Variants in SEPTIN12 observed in about 807,000 individuals in gnomAD.
The protein encoded by SEPTIN12 is septin 12.
SEPTIN12 carries 42 observed loss-of-function variants against 37.7 expected under a neutral mutation model. That is an observed-to-expected ratio of 1.11 (90% CI 0.87 to 1.44). The LOEUF (loss-of-function observed/expected upper bound fraction) is 1.44. SEPTIN12 is among the 40% of genes most tolerant of loss of function. SEPTIN12 has a pLI of 0.00. For missense variants in SEPTIN12, 613 were observed against 479.2 expected, an observed-to-expected ratio of 1.28 and a Z score of -2.61; for synonymous variants, 254 against 196.7, an observed-to-expected ratio of 1.29 and a Z score of -2.44.
At chr16:4,787,338 A>G (rs538730845) in intron 2 of SEPTIN12, 142 bp downstream of exon 2, 2 of 786,254 alleles carry the variant, frequency 2.5e-6, no homozygotes, top group African/African-American at 1.7e-5. Context: ...CAAATTTTCA[A>G]TGACAACATC....
Position 4,785,750 on chromosome 16 carries a change from C to G in SEPTIN12, c.374+57G>C, listed in dbSNP as rs570580576. On this transcript the variant is annotated intron_variant, in intron 4 of 9. Coordinates refer to ENST00000268231, the MANE Select transcript of SEPTIN12 (RefSeq NM_144605.5). The stretch of plus-strand genomic sequence containing the variant: ...CCGAGATCATGCCATTGCACTCCAG[C>G]CTGGGTGACAAGAGTGAAACTCTGC... 1,897 of 1,307,234 alleles carry G rather than the reference C, an allele frequency of 1.5e-3. 30 individuals carry two copies. The African/African-American group carries it at 0.025, about 17-fold the overall frequency. The allele number at this position is 1,307,234 out of a possible 1,614,324, so 81.0% of individuals were successfully genotyped here.
chr16:4,779,827 G>C, intron 7 of SEPTIN12, 41 bp from the exon 8 acceptor site: 1 of 1,386,356 alleles, frequency 7.2e-7, no homozygotes, highest in South Asian at 1.2e-5. Context: ...GATTGACTTC[G>C]CTGGGGAGAA....
At position 4,777,962 on chromosome 16, in the gene SEPTIN12, G is replaced by A; in HGVS notation, c.912C>T (p.Asn304=). Residue 304 remains asparagine, a synonymous_variant, in exon 10 of 10, where the codon AAC becomes AAT. Transcript: ENST00000268231. The stretch of plus-strand genomic sequence containing the variant: ...TGACGCGGTAGTTCTCATAGTGGAT[G>A]TTGTGGGTTATGTCCTTCAGGTCTT... ...HLQDLKDITH[N]IHYENYRVIR... 1 of 1,611,384 alleles carries A rather than the reference G, an allele frequency of 6.2e-7. No homozygotes were observed. The highest frequency in any genetic ancestry group is 1.3e-5 in the African/African-American group (1 of 75,058).
chr16:4,778,052 C>T (rs1380541404), intron 9 of SEPTIN12, 34 bp downstream of exon 9: 1 of 1,613,458 alleles, frequency 6.2e-7, no homozygotes, highest in East Asian at 2.2e-5. Context: ...GGCCCCTCGC[C>T]AGCCCCCTAG....
chr16:4,787,879 G>C, intron 1 of SEPTIN12: 1 of 524,716 alleles, frequency 1.9e-6, no homozygotes, highest in South Asian at 2.3e-5. Flanking sequence ...CACCCATCCA[G>C]AGAGGCTCCG....
At position 4,785,854 on chromosome 16, in the gene SEPTIN12, C is replaced by T. The variant is rs147160543; in HGVS notation, c.327G>A (p.Thr109=). 20 of 1,612,334 alleles carry T rather than the reference C, an allele frequency of 1.2e-5. No homozygotes were observed. Among genetic ancestry groups the T allele is most frequent in the Admixed American group, 5.0e-5 (3 of 59,864 alleles). The change falls in exon 4 of 10, where the codon ACG becomes ACA. Residue 109 remains threonine (T), a synonymous_variant. Transcript: ENST00000268231. ...CCCCGAAGCCGGGCGTGTCCGTCAC[C>T]GTCAGCTTCAGCTTCACACCCTTCT... The part of the protein sequence containing the change: ...IEEKGVKLKL[T]VTDTPGFGDQ...
At chr16:4,778,252 C>T in intron 8 of SEPTIN12, 115 bp from the exon 9 acceptor site, 15 of 1,070,822 alleles carry the variant, frequency 1.4e-5, no homozygotes, top group East Asian at 2.5e-5. Context: ...TCTCTTTACC[C>T]TATCCTGCCT....
rs768610844 is a variant in SEPTIN12 at position 4,779,679 on chromosome 16, C to G, written c.823+11G>C. ...CCCCACCTGCATCCTACCCAGGGGCCCCGCACTGACCTTCAATGATGCCCC... is the reference window on the plus strand; with the variant it reads ...CCCCACCTGCATCCTACCCAGGGGCGCCGCACTGACCTTCAATGATGCCCC... On this transcript the variant is annotated intron_variant, in intron 8 of 9. Coordinates refer to ENST00000268231, the MANE Select transcript of SEPTIN12 (RefSeq NM_144605.5). 1 of 1,579,704 alleles carries G rather than the reference C, an allele frequency of 6.3e-7. No homozygotes were observed.
chr16:4,778,877 C>T (rs1198073447), intron 8 of SEPTIN12, among the ~76,000 whole-genome samples: 2 of 151,814 alleles, frequency 1.3e-5, no homozygotes, highest in African/African-American at 4.8e-5. Flanking sequence ...CGGTGGCACA[C>T]GCCTGTAATC....
At chr16:4,784,575 G>A (rs2082412961) in intron 4 of SEPTIN12, among the ~76,000 whole-genome samples, 1 of 104,584 alleles carries the variant, frequency 9.6e-6, no homozygotes, top group Non-Finnish European at 2.2e-5. Flanking sequence ...TTCGAGGCTA[G>A]CCTGGGCAAC....
At chr16:4,778,023 C>G (rs779481488) in intron 9 of SEPTIN12, 25 bp from the exon 10 acceptor site, 4 of 1,612,362 alleles carry the variant, frequency 2.5e-6, no homozygotes, top group African/African-American at 1.3e-5. Context: ...ACGGTCAGCC[C>G]CGATGGTGGT....
At position 4,785,854 on chromosome 16, in the gene SEPTIN12, C is replaced by G. The variant is rs147160543; in HGVS notation, c.327G>C (p.Thr109=). ...IEEKGVKLKL[T]VTDTPGFGDQ... is the part of the protein sequence containing the mutation. ...CCCCGAAGCCGGGCGTGTCCGTCAC[C>G]GTCAGCTTCAGCTTCACACCCTTCT... is the stretch of plus-strand genomic sequence containing the variant. Residue 109 remains threonine (T), a synonymous_variant, in exon 4 of 10, where the codon ACG becomes ACC. Transcript: ENST00000268231. 6.2e-7 allele frequency: 1 copy of G among 1,612,394 alleles called. No homozygotes were observed. The highest frequency in any genetic ancestry group is 8.5e-7 in the Non-Finnish European group (1 of 1,179,566).
intron 7 of SEPTIN12, among the ~76,000 whole-genome samples, chr16:4,782,322 G>A (rs963648096): frequency 3.9e-5 from 6 of 152,280 alleles, no homozygotes; most frequent in Admixed American, 2.6e-4. Flanking sequence ...GTAGGGAATA[G>A]GCCGCACTGT....
rs2082474133 is a variant in SEPTIN12 at position 4,787,461 on chromosome 16, G to A, written c.166+19C>T. The A allele has an allele frequency of 6.2e-7, 1 of 1,610,262 alleles. No homozygotes were observed. On this transcript the variant is annotated intron_variant, in intron 2 of 9. Transcript: ENST00000268231. ...AGCACTGTGGGTCTGTCCTGCCGTG[G>A]GCCCTACCTCTCACTCACCCACCAC...
chr16:4,783,474 G>T lies in SEPTIN12; in HGVS notation c.714C>A (p.Asn238Lys). The T allele has an allele frequency of 2.5e-6, 4 of 1,613,920 alleles. No individual in the cohort carries two copies. Among genetic ancestry groups the T allele is most frequent in the Non-Finnish European group, 2.5e-6 (3 of 1,179,868 alleles). The change falls in exon 7 of 10, where the codon AAC becomes AAA. Residue 238 changes from asparagine (N) to lysine (K), a missense_variant. Asn to Lys is a moderately conservative substitution (Grantham distance 94). Transcript: ENST00000268231. The part of the protein sequence containing the change: ...FDEDINDKIL[N>K]SKLRDRIPFA... ...CACAGCCTCTCACCCGTAACTTGCT[G>T]TTGAGGATTTTGTCATTGATGTCCT...
chr16:4,784,622 T>C (rs2082413814), intron 4 of SEPTIN12, among the ~76,000 whole-genome samples: 1 of 90,628 alleles, frequency 1.1e-5, no homozygotes, highest in Non-Finnish European at 2.6e-5. Flanking sequence ...ATACACAAAT[T>C]AGCTCGGTGG....
At chr16:4,781,351 C>G (rs919325734) in intron 7 of SEPTIN12, among the ~76,000 whole-genome samples, 1 of 151,730 alleles carries the variant, frequency 6.6e-6, no homozygotes, top group East Asian at 1.9e-4. Flanking sequence ...TAGTATTTGA[C>G]CAGGGTTATG....
At position 4,787,558 on chromosome 16, in the gene SEPTIN12, C is replaced by T. The variant is rs2082476659; in HGVS notation, c.88G>A (p.Val30Met). Residue 30 changes from valine (V) to methionine (M), a missense_variant, in exon 2 of 10, where the codon GTG becomes ATG. Physicochemically the swap from Val to Met is conservative, Grantham distance 21. Transcript: ENST00000268231. ...STPPCEMLGP[V>M]GIEAVLDQLK... The stretch of plus-strand genomic sequence containing the variant: ...TGGTCCAGCACAGCCTCAATGCCCA[C>T]AGGACCAAGCATCTCGCAGGGTGGG... The T allele has an allele frequency of 1.2e-6, 2 of 1,611,616 alleles. No individual in the cohort carries two copies. The highest frequency in any genetic ancestry group is 1.3e-5 in the African/African-American group (1 of 75,064).
chr16:4,787,580 TG>T lies in SEPTIN12; in HGVS notation c.65del (p.Pro22HisfsTer18). 1 of 1,607,854 alleles carries T rather than the reference TG, an allele frequency of 6.2e-7. No homozygotes were observed. Among genetic ancestry groups the T allele is most frequent in the Non-Finnish European group, 8.5e-7 (1 of 1,179,268 alleles). ...CCACAGGACCAAGCATCTCGCAGGG[TG>T]GGGTGCTGGGGCTGGAGGGCTGCGA... is the stretch of plus-strand genomic sequence containing the variant. ...LSSQPSSPST[P>X]PCEMLGPVGI... On this transcript the variant is annotated frameshift_variant, in exon 2 of 10. Coordinates refer to ENST00000268231, the MANE Select transcript of SEPTIN12 (RefSeq NM_144605.5). LOFTEE classifies it high-confidence loss of function.
Sources: gnomAD v4.1 joint callset for allele counts (sites outside exome capture counted in the v4.1 genomes callset) on GRCh38, gnomAD v4.1.1 for gene constraint, MANE v1.5 for transcripts, NCBI Gene and HGNC (gene_info 2026-07-23, HGNC 2026-07-21) for gene names.